The following KIAA0930 variants were observed in gnomAD, a reference collection of about 807,000 sequenced individuals.
KIAA0930 encodes uncharacterized protein KIAA0930.
Under a neutral mutation model 43.9 loss-of-function variants are expected in KIAA0930, and 24 were observed. The observed-to-expected ratio is 0.55, with a 90% CI of 0.40 to 0.77. The LOEUF (loss-of-function observed/expected upper bound fraction) is 0.77. KIAA0930 is among the 30% of genes least tolerant of loss of function. The pLI is 0.00. For synonymous variants in KIAA0930, 259 were observed against 216.4 expected (o/e 1.20, Z -1.73); for missense variants, 461 against 574.2 (o/e 0.80, Z 2.02).
chr22:45,203,811 CAGA>C (rs757992381), intron 6 of KIAA0930, 31 bp downstream of exon 6: 5 of 1,608,852 alleles, frequency 3.1e-6, no homozygotes, highest in African/African-American at 2.7e-5. Context: ...TCCCCGGGCC[CAGA>C]AGAACACCCG....
At chr22:45,216,963 G>C (rs1430920443) in intron 1 of KIAA0930, among the ~76,000 whole-genome samples, 2 of 152,156 alleles carry the variant, frequency 1.3e-5, no homozygotes, top group South Asian at 2.1e-4. Context: ...AGTCAGTACC[G>C]ACCCACTGGG....
At chr22:45,198,233 T>G (rs9626293) in intron 8 of KIAA0930, among the ~76,000 whole-genome samples, 11,353 of 152,194 alleles carry the variant, frequency 0.075, 1,421 homozygotes, top group African/African-American at 0.26. Flanking sequence ...CCTCCGGGGG[T>G]TCTGGCACAC....
In KIAA0930 at chr22:45,205,691, G is replaced by A; in HGVS notation, c.353C>T (p.Thr118Ile). The A allele has an allele frequency of 6.2e-7, 1 of 1,614,132 alleles. No individual in the cohort carries two copies. The highest frequency in any genetic ancestry group is 1.3e-5 in the African/African-American group (1 of 75,024). ...LILQKLDYMV[T>I]CAVCTRADGG... ...GTCAGCACGTGTGCACACCGCACAG[G>A]TCACCATGTAGTCCAGCTGGAAGAG... is the stretch of plus-strand genomic sequence containing the variant. The change falls in exon 4 of 10, where the codon ACC (threonine) becomes ATC (isoleucine). Residue 118 changes from threonine (T) to isoleucine (I), a missense_variant. By Grantham distance (89) the Thr-to-Ile change is moderately conservative. Transcript: ENST00000336156.
In KIAA0930 at chr22:45,219,060, C is replaced by T. The variant is rs140105279; in HGVS notation, c.65-6953G>A. 6.6e-3 allele frequency among the ~76,000 whole-genome samples: 1,011 copies of T among 152,276 alleles called. 10 individuals carry two copies. Among genetic ancestry groups the T allele is most frequent in the African/African-American group, 0.022 (918 of 41,538 alleles). On this transcript the variant is annotated intron_variant, in intron 1 of 9. Transcript: ENST00000336156. ...ACTGAAAAGGGAAACTTTTATCTTT[C>T]GAGGCATTTCACGTGAATCCAATCA...
chr22:45,234,910 G>A (rs1366387087), intron 1 of KIAA0930, among the ~76,000 whole-genome samples: 1 of 152,194 alleles, frequency 6.6e-6, no homozygotes, highest in Admixed American at 6.5e-5. Flanking sequence ...TCAGAGGGCA[G>A]GACTTTGCAA....
intron 1 of KIAA0930, among the ~76,000 whole-genome samples, chr22:45,222,253 C>A (rs892737601): frequency 1.3e-5 from 2 of 152,096 alleles, no homozygotes; most frequent in Non-Finnish European, 1.5e-5. Context: ...GAGGGAGAAG[C>A]CTTTCTAAGG....
In KIAA0930 at chr22:45,197,781, C is replaced by G. The variant is rs748606716; in HGVS notation, c.1174+9G>C. 6.2e-7 allele frequency: 1 copy of G among 1,613,702 alleles called. No individual in the cohort carries two copies. The highest frequency in any genetic ancestry group is 2.2e-5 in the East Asian group (1 of 44,868). Reference sequence around the variant, plus strand: ...GGTGCGGCTGCTTCCCCACATCCGCCAGCATTACCTGTTAAAATCCGATGC... The same window carrying G: ...GGTGCGGCTGCTTCCCCACATCCGCGAGCATTACCTGTTAAAATCCGATGC... On this transcript the variant is annotated intron_variant, in intron 9 of 9. Transcript: ENST00000336156.
rs114858996 is a variant in KIAA0930, at chr22:45,210,352, C to T, written c.216+1604G>A. 3.7e-3 allele frequency among the ~76,000 whole-genome samples: 561 copies of T among 152,268 alleles called. 6 individuals carry two copies. The highest frequency in any genetic ancestry group is 0.013 in the African/African-American group (534 of 41,560). On this transcript the variant is annotated intron_variant, in intron 2 of 9. Transcript: ENST00000336156. ...GTTCCCATGGGTGAGAGGAGTCCCT[C>T]CCCCAGAACTGTGCAGAGGTGAGAG...
chr22:45,200,059 C>T, intron 7 of KIAA0930, 24 bp from the exon 8 acceptor site: 1 of 1,580,596 alleles, frequency 6.3e-7, no homozygotes, highest in South Asian at 1.1e-5. Flanking sequence ...GCCAAAGTCA[C>T]CAGAGTAGCA....
chr22:45,217,324 G>T (rs2083739443), intron 1 of KIAA0930, among the ~76,000 whole-genome samples: 1 of 125,510 alleles, frequency 8.0e-6, no homozygotes, highest in Admixed American at 1.0e-4. Flanking sequence ...TCACGCCACT[G>T]CACTCTAGCC....
rs531420940 is a variant in KIAA0930 at position 45,227,727 on chromosome 22, G to A, written c.64+12913C>T. Among the ~76,000 whole-genome samples the A allele has an allele frequency of 1.1e-4, 16 of 152,290 alleles. No individual in the cohort carries two copies. The East Asian group carries it at 2.1e-3, about 20-fold the overall frequency. Reference sequence around the variant, plus strand: ...GCTCCAACTGTCCCCGGGAGAGAACGGGCCCCACTGAACTTCAGGGAAGGA... The same window carrying A: ...GCTCCAACTGTCCCCGGGAGAGAACAGGCCCCACTGAACTTCAGGGAAGGA... On this transcript the variant is annotated intron_variant, in intron 1 of 9. Transcript: ENST00000336156.
intron 1 of KIAA0930, among the ~76,000 whole-genome samples, chr22:45,218,790 T>C (rs2083749478): frequency 1.3e-5 from 2 of 152,120 alleles, no homozygotes; most frequent in South Asian, 4.2e-4. Flanking sequence ...GGTGAACAGC[T>C]AGGAAAGCAA....
At chr22:45,233,874 C>G (rs937374169) in intron 1 of KIAA0930, among the ~76,000 whole-genome samples, 1 of 152,202 alleles carries the variant, frequency 6.6e-6, no homozygotes, top group Non-Finnish European at 1.5e-5. Flanking sequence ...CCGCTTGGCC[C>G]TGCCTAGCCC....
At chr22:45,236,197 A>C (rs1245292729) in intron 1 of KIAA0930, 1 of 152,144 alleles carries the variant, frequency 6.6e-6, no homozygotes, top group African/African-American at 2.4e-5. Flanking sequence ...GACAGAACCC[A>C]CCTCTCCGGG....
At position 45,196,901 on chromosome 22, in the gene KIAA0930, T is replaced by C. The variant is rs548086722; in HGVS notation, c.*275A>G. On this transcript the variant is annotated 3_prime_UTR_variant, in exon 10 of 10. Transcript: ENST00000336156. The surrounding 1 kb of genome is among the most constrained non-coding windows in gnomAD (Gnocchi z 4.1). The stretch of plus-strand genomic sequence containing the variant: ...TCTCATGGCCGCTCGGCATCTCTAG[T>C]CCTCTTTGGGTGCAGAGGGCTCTCC... 6.7e-5 allele frequency: 30 copies of C among 447,738 alleles called. No individual in the cohort carries two copies. Among genetic ancestry groups the C allele is most frequent in the African/African-American group, 5.4e-4 (26 of 47,990 alleles). The allele number at this position is 447,738 out of a possible 1,614,324, so 27.7% of individuals were successfully genotyped here. A position where few individuals can be genotyped will look rare whatever the true frequency, so the allele number is the denominator to read the frequency against.
chr22:45,199,839 C>T (rs759091687), intron 8 of KIAA0930, 34 bp downstream of exon 8: 14 of 1,507,006 alleles, frequency 9.3e-6, no homozygotes, highest in Admixed American at 4.3e-5. Context: ...GACTGAAGGG[C>T]ACGGGGACCC....
At chr22:45,223,664 C>G (rs1483496627) in intron 1 of KIAA0930, among the ~76,000 whole-genome samples, 1 of 151,174 alleles carries the variant, frequency 6.6e-6, no homozygotes, top group Admixed American at 6.6e-5. Context: ...AGCCAGCACC[C>G]AGGGTCAGCA....
chr22:45,224,394 A>G (rs540634378), intron 1 of KIAA0930, among the ~76,000 whole-genome samples: 1 of 152,224 alleles, frequency 6.6e-6, no homozygotes, highest in Non-Finnish European at 1.5e-5. Context: ...AAATACACCC[A>G]GGGCTGCCTG....
At chr22:45,215,320 T>C (rs1019318450) in intron 1 of KIAA0930, among the ~76,000 whole-genome samples, 4 of 152,238 alleles carry the variant, frequency 2.6e-5, no homozygotes, top group African/African-American at 9.6e-5. Flanking sequence ...AATTGTTAAG[T>C]TGTAGCTAAT....
Sources: allele counts gnomAD v4.1 joint callset (sites outside exome capture counted in the v4.1 genomes callset), GRCh38; gene constraint gnomAD v4.1.1; non-coding constraint Gnocchi (gnomAD v3.1); transcripts MANE v1.5; gene names NCBI Gene and HGNC (gene_info 2026-07-23, HGNC 2026-07-21).